The following BCAR3 variants were observed in gnomAD, a reference collection of about 807,000 sequenced individuals.
The protein encoded by BCAR3 is BCAR3 adaptor protein, NSP family member.
A neutral mutation model predicts 80.1 loss-of-function variants in BCAR3; 37 were observed. That is an observed-to-expected ratio of 0.46 (90% CI 0.36 to 0.61). BCAR3 has a LOEUF of 0.61. Among genes scored for constraint, BCAR3 ranks in the 20% least tolerant of loss-of-function variants. The pLI is 0.00. For missense variants in BCAR3, 978 were observed against 1,068.2 expected, an observed-to-expected ratio of 0.92 and a Z score of 1.18; for synonymous variants, 389 against 418.9, an observed-to-expected ratio of 0.93 and a Z score of 0.87.
intron 2 of BCAR3, among the ~76,000 whole-genome samples, chr1:93,780,250 T>G (rs1652721337): frequency 6.6e-6 from 1 of 152,202 alleles, no homozygotes; most frequent in East Asian, 1.9e-4. Flanking sequence ...CAACTCTCCT[T>G]TGTACAAATG....
At chr1:93,578,029 G>GACAA (rs1023164406) in intron 7 of BCAR3, among the ~76,000 whole-genome samples, 1 of 152,198 alleles carries the variant, frequency 6.6e-6, no homozygotes, top group Non-Finnish European at 1.5e-5. Context: ...ACAAAGGAAG[G>GACAA]ACAAACATGT....
intron 3 of BCAR3, among the ~76,000 whole-genome samples, chr1:93,687,469 G>C (rs989085084): frequency 9.2e-5 from 14 of 152,048 alleles, no homozygotes; most frequent in African/African-American, 3.1e-4. Context: ...CACAATGCCA[G>C]GCTAATTTTT....
At chr1:93,764,624 A>T (rs1318386662) in intron 2 of BCAR3, among the ~76,000 whole-genome samples, 1 of 151,868 alleles carries the variant, frequency 6.6e-6, no homozygotes, top group Non-Finnish European at 1.5e-5. Context: ...CCATCCCCAC[A>T]TCGCTACCAG....
chr1:93,710,383 C>T (rs1385494556), intron 2 of BCAR3, among the ~76,000 whole-genome samples: 3 of 152,180 alleles, frequency 2.0e-5, no homozygotes, highest in African/African-American at 7.2e-5. Context: ...CCCTTGGAGA[C>T]CTTGAAGGGC....
intron 2 of BCAR3, among the ~76,000 whole-genome samples, chr1:93,660,053 C>T (rs530101621): frequency 6.8e-6 from 1 of 147,236 alleles, no homozygotes; most frequent in African/African-American, 2.5e-5. Flanking sequence ...AATAAATGAA[C>T]GTGTGTGTGT....
At chr1:93,577,878 C>A (rs951749762) in intron 7 of BCAR3, among the ~76,000 whole-genome samples, 3 of 152,180 alleles carry the variant, frequency 2.0e-5, no homozygotes, top group African/African-American at 7.2e-5. Context: ...GTCTGCATTT[C>A]GTCGGCACAT....
rs1168429762 is a variant in BCAR3 at position 93,571,711 on chromosome 1, A to G, written c.1933T>C (p.Tyr645His). ...VELKDSMGDL[Y>H]SFSALMKALE... ...GCTTTCATGAGAGCTGAGAAGGAATAGAGGTCCCCCATGGAATCCTTCAGT... is the reference window on the plus strand; with the variant it reads ...GCTTTCATGAGAGCTGAGAAGGAATGGAGGTCCCCCATGGAATCCTTCAGT... Residue 645 changes from tyrosine (Y) to histidine (H), a missense_variant, in exon 9 of 12, where the codon TAT (tyrosine) becomes CAT (histidine). Coordinates refer to ENST00000260502, the MANE Select transcript of BCAR3 (RefSeq NM_003567.4). 6.2e-7 allele frequency: 1 copy of G among 1,614,204 alleles called. No homozygotes were observed. The highest frequency in any genetic ancestry group is 1.1e-5 in the South Asian group (1 of 91,080).
intron 2 of BCAR3, among the ~76,000 whole-genome samples, chr1:93,775,892 T>C (rs955465350): frequency 6.6e-6 from 1 of 151,986 alleles, no homozygotes; most frequent in African/African-American, 2.4e-5. Context: ...TGGGGAGGAG[T>C]GATCTTAATT....
At chr1:93,688,399 TCA>T (rs543105279) in intron 3 of BCAR3, among the ~76,000 whole-genome samples, 59 of 152,254 alleles carry the variant, frequency 3.9e-4, no homozygotes, top group South Asian at 1.7e-3. Flanking sequence ...ATTTACATCC[TCA>T]GTCTAATTAC....
intron 2 of BCAR3, among the ~76,000 whole-genome samples, chr1:93,758,471 A>T (rs12407244): frequency 0.12 from 17,825 of 152,294 alleles, 1,466 homozygotes; most frequent in African/African-American, 0.22. Flanking sequence ...GGAGAGTTCC[A>T]GTGCAGACAA....
At chr1:93,641,750 A>G (rs1216050989) in intron 3 of BCAR3, among the ~76,000 whole-genome samples, 1 of 152,232 alleles carries the variant, frequency 6.6e-6, no homozygotes, top group Admixed American at 6.5e-5. Flanking sequence ...AAGATGACTC[A>G]TAAAATCTCA....
chr1:93,838,297 T>C (rs1557705610), intron 2 of BCAR3, among the ~76,000 whole-genome samples: 1 of 152,228 alleles, frequency 6.6e-6, no homozygotes, highest in Admixed American at 6.5e-5. Flanking sequence ...GAAGTGGACA[T>C]GTGTGAAGGG....
intron 2 of BCAR3, among the ~76,000 whole-genome samples, chr1:93,827,344 A>G (rs1384234257): frequency 6.6e-6 from 1 of 152,132 alleles, no homozygotes; most frequent in Non-Finnish European, 1.5e-5. Context: ...TTAGCAAAAC[A>G]GGAGTGTCAT....
chr1:93,803,469 A>T (rs549169086), intron 2 of BCAR3, among the ~76,000 whole-genome samples: 1 of 152,298 alleles, frequency 6.6e-6, no homozygotes, highest in South Asian at 2.1e-4. Flanking sequence ...GATTCTGGAA[A>T]TATCTCAGAA....
chr1:93,604,017 A>C (rs1168326321), intron 3 of BCAR3, among the ~76,000 whole-genome samples: 2 of 152,360 alleles, frequency 1.3e-5, no homozygotes, highest in Non-Finnish European at 2.9e-5. Flanking sequence ...AAATAAATTT[A>C]TCTCTTCCAA....
At chr1:93,775,427 C>T (rs1007292399) in intron 2 of BCAR3, 1 of 152,246 alleles carries the variant, frequency 6.6e-6, no homozygotes, top group African/African-American at 2.4e-5. Context: ...CCAGCACGCG[C>T]GCGGCTGGTG....
chr1:93,719,118 T>C (rs945422837), intron 2 of BCAR3, among the ~76,000 whole-genome samples: 2 of 151,984 alleles, frequency 1.3e-5, no homozygotes, highest in Admixed American at 1.3e-4. Context: ...TTTCCGCCTG[T>C]AAAATCGTTT....
At chr1:93,716,283 T>C (rs1394236713) in intron 2 of BCAR3, among the ~76,000 whole-genome samples, 1 of 152,220 alleles carries the variant, frequency 6.6e-6, no homozygotes, top group Non-Finnish European at 1.5e-5. Flanking sequence ...TAAAAGAAGA[T>C]CTGCATATTC....
intron 2 of BCAR3, among the ~76,000 whole-genome samples, chr1:93,761,883 C>T (rs752638455): frequency 2.6e-5 from 4 of 152,240 alleles, no homozygotes; most frequent in East Asian, 1.9e-4. Flanking sequence ...TGTCCCCTTC[C>T]GGTTTTCTCT....
Sources: allele counts gnomAD v4.1 joint callset (sites outside exome capture counted in the v4.1 genomes callset), GRCh38; gene constraint gnomAD v4.1.1; transcripts MANE v1.5; gene names NCBI Gene and HGNC (gene_info 2026-07-23, HGNC 2026-07-21).